Variants in WHRN observed in about 807,000 individuals in gnomAD.
WHRN encodes the protein whirlin.
In WHRN, 41 loss-of-function variants were observed where a neutral mutation model predicts 68.3. The ratio of observed to expected loss-of-function variants is 0.60; its 90% CI spans 0.47 to 0.78. The LOEUF (loss-of-function observed/expected upper bound fraction) is 0.78. WHRN is among the 30% of genes least tolerant of loss of function. WHRN has a pLI of 0.00. For missense variants in WHRN, 1,243 were observed against 1,244.7 expected (o/e 1.00, Z 0.02); for synonymous variants, 560 against 561.3 (o/e 1.00, Z 0.03).
chr9:114,477,867 G>T (rs1841780532), intron 2 of WHRN, among the ~76,000 whole-genome samples: 1 of 152,202 alleles, frequency 6.6e-6, no homozygotes, highest in African/African-American at 2.4e-5. Context: ...TGGCAGCTAT[G>T]TGTGGCCATG....
At chr9:114,407,923 C>A in intron 8 of WHRN, 24 bp downstream of exon 8, 3 of 1,585,610 alleles carry the variant, frequency 1.9e-6, no homozygotes, top group Admixed American at 1.8e-5. Flanking sequence ...GAGAGCAGAA[C>A]CAAAGGGCCA....
intron 3 of WHRN, among the ~76,000 whole-genome samples, chr9:114,451,457 C>T (rs978390288): frequency 6.6e-6 from 1 of 152,168 alleles, no homozygotes; most frequent in African/African-American, 2.4e-5. Context: ...ATCACCTGGA[C>T]AGGGCTGGGC....
intron 3 of WHRN, among the ~76,000 whole-genome samples, chr9:114,437,486 T>C (rs539195450): frequency 2.1e-4 from 32 of 152,318 alleles, no homozygotes; most frequent in African/African-American, 7.7e-4. Flanking sequence ...GGCTGAATGT[T>C]TGTGTCCCCC....
At chr9:114,475,941 G>GTATGATTCATGC (rs1476426254) in intron 2 of WHRN, among the ~76,000 whole-genome samples, 12 of 152,252 alleles carry the variant, frequency 7.9e-5, no homozygotes, top group African/African-American at 2.9e-4. Flanking sequence ...CCTCCCTGGA[G>GTATGATTCATGC]TATGATTCAT....
chr9:114,472,030 T>G (rs1297980658), intron 2 of WHRN, among the ~76,000 whole-genome samples: 1 of 152,190 alleles, frequency 6.6e-6, no homozygotes, highest in East Asian at 1.9e-4. Flanking sequence ...CCTACACCTC[T>G]GAAGAGAACA....
rs1836844923 is a variant in WHRN, at chr9:114,426,237, G to A, written c.1140C>T (p.Ile380=). ...CTGCCGAGTTCGCCATGGTCTCCCT[G>A]ATCCGGGAACTGGCGATCCACTTGG... ...DETKWIASSR[I]RETMANSAGF... The change falls in exon 4 of 12, where the codon ATC becomes ATT. Residue 380 remains isoleucine, a synonymous_variant. Transcript: ENST00000362057. 1 of 1,612,546 alleles carries A rather than the reference G, an allele frequency of 6.2e-7. No individual in the cohort carries two copies. Among genetic ancestry groups the A allele is most frequent in the Non-Finnish European group, 8.5e-7 (1 of 1,180,036 alleles).
rs1369136104 is a variant in WHRN, at chr9:114,477,301, T to C, written c.837+1252A>G. Among the ~76,000 whole-genome samples the C allele has an allele frequency of 1.3e-5, 2 of 152,234 alleles. 1 individual carries two copies. Among genetic ancestry groups the C allele is most frequent in the African/African-American group, 4.8e-5 (2 of 41,462 alleles). On this transcript the variant is annotated intron_variant, in intron 2 of 11. Transcript: ENST00000362057. ...GCCCAGAGCCCCAAGCCATGTGGCC[T>C]CCTGGCAGTCAGTGTCAAGGTCCTA...
intron 1 of WHRN, among the ~76,000 whole-genome samples, chr9:114,502,383 T>G (rs1027723670): frequency 2.0e-5 from 3 of 152,106 alleles, no homozygotes; most frequent in African/African-American, 7.2e-5. Context: ...AACTATGACA[T>G]GGAGAGTTTA....
intron 2 of WHRN, among the ~76,000 whole-genome samples, chr9:114,469,474 C>T (rs1398316771): frequency 6.6e-6 from 1 of 152,242 alleles, no homozygotes; most frequent in Non-Finnish European, 1.5e-5. Flanking sequence ...CAGCGAGTCT[C>T]TCCTCAAGAA....
rs116722454 is a variant in WHRN, at chr9:114,445,391, G to C, written c.964-18978C>G. On this transcript the variant is annotated intron_variant, in intron 3 of 11. Transcript: ENST00000362057. ...ATCTAATGTGGTCTTCAACTGTGTT[G>C]AAGGGACTGGGAAGAAATAGGCCAA... Among the ~76,000 whole-genome samples the C allele has an allele frequency of 7.5e-3, 1,149 of 152,288 alleles. 15 individuals are homozygous for C. Among genetic ancestry groups the C allele is most frequent in the South Asian group, 0.034 (163 of 4,826 alleles).
Position 114,424,559 on chromosome 9 carries a change from AAGAT to A in WHRN, c.1204-17_1204-14del. ...TGTAAAATCCTGGCTGCAAGACAGA[AAGAT>A]AGAAGCCCAGGAATTCTTAGCTGCT... is the stretch of plus-strand genomic sequence containing the variant. On this transcript the variant is annotated splice_polypyrimidine_tract_variant and intron_variant, in intron 5 of 11. Coordinates refer to ENST00000362057, the MANE Select transcript of WHRN (RefSeq NM_015404.4). The A allele has an allele frequency of 1.9e-6, 3 of 1,601,872 alleles. No individual in the cohort carries two copies. Among genetic ancestry groups the A allele is most frequent in the Non-Finnish European group, 2.6e-6 (3 of 1,174,134 alleles).
rs565632777 is a variant in WHRN at position 114,418,573 on chromosome 9, T to C, written c.1626+4741A>G. On this transcript the variant is annotated intron_variant, in intron 7 of 11. Coordinates refer to ENST00000362057, the MANE Select transcript of WHRN (RefSeq NM_015404.4). ...TTCCCTGCTCTTACCTGCCAAGGACTCCCATCTCACTCAGAGTCAAAGTCC... is the reference window on the plus strand; with the variant it reads ...TTCCCTGCTCTTACCTGCCAAGGACCCCCATCTCACTCAGAGTCAAAGTCC... Among the ~76,000 whole-genome samples, 3 of 152,354 alleles carry C rather than the reference T, an allele frequency of 2.0e-5. No individual in the cohort carries two copies. The South Asian group carries it at 6.2e-4, about 32-fold the overall frequency.
At chr9:114,484,695 C>T (rs1842349154) in intron 1 of WHRN, among the ~76,000 whole-genome samples, 4 of 152,186 alleles carry the variant, frequency 2.6e-5, no homozygotes, top group South Asian at 2.1e-4. Flanking sequence ...GCAGATGGCA[C>T]GACTAAGATA....
intron 3 of WHRN, among the ~76,000 whole-genome samples, chr9:114,449,858 G>A (rs1839167297): frequency 6.6e-6 from 1 of 152,186 alleles, no homozygotes; most frequent in South Asian, 2.1e-4. Context: ...CTTATCATGT[G>A]CCAGGCACTG....
chr9:114,472,547 C>CT (rs1047196852), intron 2 of WHRN, among the ~76,000 whole-genome samples: 1 of 152,170 alleles, frequency 6.6e-6, no homozygotes, highest in African/African-American at 2.4e-5. Flanking sequence ...CTCCCATGCC[C>CT]TTTCCTTGCT....
At chr9:114,425,484 A>G in intron 4 of WHRN, 1 of 389,482 alleles carries the variant, frequency 2.6e-6, no homozygotes, top group East Asian at 4.5e-5. Context: ...GCATCCAGAA[A>G]TCCAGTTTTT....
chr9:114,429,746 C>T (rs189332074), intron 3 of WHRN, among the ~76,000 whole-genome samples: 2 of 152,196 alleles, frequency 1.3e-5, no homozygotes, highest in African/African-American at 4.8e-5. Flanking sequence ...TATCTCGCCT[C>T]TGCAGCTCCC....
chr9:114,420,916 G>A (rs1169744438), intron 7 of WHRN, among the ~76,000 whole-genome samples: 9 of 152,048 alleles, frequency 5.9e-5, no homozygotes, highest in African/African-American at 1.2e-4. Context: ...TCAAGGCACC[G>A]CGAGCTCAAG....
At chr9:114,474,688 C>T (rs1290573770) in intron 2 of WHRN, among the ~76,000 whole-genome samples, 3 of 152,200 alleles carry the variant, frequency 2.0e-5, no homozygotes, top group South Asian at 4.1e-4. Flanking sequence ...CTGCACACTA[C>T]AGCACTCTCC....
Sources: gnomAD v4.1 joint callset for allele counts (sites outside exome capture counted in the v4.1 genomes callset) on GRCh38, gnomAD v4.1.1 for gene constraint, MANE v1.5 for transcripts, NCBI Gene and HGNC (gene_info 2026-07-23, HGNC 2026-07-21) for gene names.